LRTM3: variants seen among roughly 807,000 people sequenced by gnomAD.
LRTM3 encodes leucine rich repeat transmembrane protein 3.
chr13:102,730,720 A>G, the LRTM3 span: 2 of 1,551,728 alleles, frequency 1.3e-6, no homozygotes, highest in Non-Finnish European at 1.7e-6. Context: ...CACTTTGTCC[A>G]CCAGCATTTA....
the LRTM3 span, among the ~76,000 whole-genome samples, chr13:102,755,748 G>A: frequency 1.5e-3 from 219 of 150,798 alleles, no homozygotes; most frequent in African/African-American, 5.1e-3. Context: ...TACACGTTCT[G>A]CATATGTATC....
At chr13:102,744,750 G>A in the LRTM3 span, 8 of 1,550,494 alleles carry the variant, frequency 5.2e-6, no homozygotes, top group Non-Finnish European at 7.0e-6. Flanking sequence ...TCCCTTTCAT[G>A]TTGTACATTC....
At chr13:102,743,825 A>G in the LRTM3 span, 1 of 1,550,320 alleles carries the variant, frequency 6.5e-7, no homozygotes, top group South Asian at 1.2e-5. Context: ...GGCATTGAAT[A>G]TAATTTCTTT....
chr13:102,746,207 T>C, the LRTM3 span: 9 of 1,550,744 alleles, frequency 5.8e-6, no homozygotes, highest in Non-Finnish European at 7.8e-6. Context: ...CAGCACTGGG[T>C]CTGATTCAAG....
the LRTM3 span, chr13:102,746,997 T>C: frequency 1.3e-6 from 2 of 1,551,254 alleles, no homozygotes; most frequent in African/African-American, 1.4e-5. Flanking sequence ...TGCATTTCTT[T>C]CTCTGTTTTA....
the LRTM3 span, chr13:102,735,006 A>G: frequency 6.4e-7 from 1 of 1,551,068 alleles, no homozygotes; most frequent in Non-Finnish European, 8.7e-7. Flanking sequence ...AGGGGAAAAG[A>G]GGGTCTTGTT....
chr13:102,736,989 T>C, the LRTM3 span: 18 of 1,551,134 alleles, frequency 1.2e-5, no homozygotes, highest in South Asian at 1.8e-4. Context: ...AGAGAAGGTA[T>C]TGTCAGAAAC....
chr13:102,738,071 T>C, the LRTM3 span: 10 of 1,550,396 alleles, frequency 6.4e-6, no homozygotes, highest in Non-Finnish European at 8.7e-6. Context: ...CTCCTCACCT[T>C]CTCTGTCCTC....
chr13:102,753,734 T>A, the LRTM3 span, among the ~76,000 whole-genome samples: 4 of 152,204 alleles, frequency 2.6e-5, no homozygotes, highest in Non-Finnish European at 5.9e-5. Context: ...CCATTACTTT[T>A]AGTATATAGT....
At chr13:102,752,425 AGTCT>A in the LRTM3 span, among the ~76,000 whole-genome samples, 1 of 152,112 alleles carries the variant, frequency 6.6e-6, no homozygotes, top group African/African-American at 2.4e-5. Context: ...TACACTTCCC[AGTCT>A]GTCAGAATGG....
the LRTM3 span, chr13:102,730,451 G>T: frequency 3.9e-6 from 6 of 1,551,048 alleles, no homozygotes; most frequent in South Asian, 7.1e-5. Flanking sequence ...ATTTCTCTGG[G>T]TCCTTAAATC....
the LRTM3 span, chr13:102,741,601 C>G: frequency 5.2e-6 from 8 of 1,550,302 alleles, no homozygotes; most frequent in Non-Finnish European, 7.0e-6. Context: ...CCATAGACCC[C>G]AGGTTTGTCA....
At chr13:102,734,008 A>C in the LRTM3 span, 2 of 1,551,466 alleles carry the variant, frequency 1.3e-6, no homozygotes, top group East Asian at 4.9e-5. Flanking sequence ...CTGAATCCAG[A>C]TAAAGAGGAG....
chr13:102,741,934 T>C, the LRTM3 span: 1 of 1,550,528 alleles, frequency 6.4e-7, no homozygotes, highest in Non-Finnish European at 8.7e-7. Flanking sequence ...TGCTTTGGTG[T>C]TTTTGTTCCT....
chr13:102,747,918 T>C, the LRTM3 span: 15 of 1,551,094 alleles, frequency 9.7e-6, no homozygotes, highest in South Asian at 3.6e-5. Flanking sequence ...AGATGTATGC[T>C]GAACCTGAAG....
the LRTM3 span, chr13:102,735,159 A>C: frequency 1.3e-6 from 2 of 1,551,280 alleles, no homozygotes; most frequent in African/African-American, 1.4e-5. Context: ...CTAGTTTTCC[A>C]CTGAAGATCA....
chr13:102,743,777 G>A, the LRTM3 span: 1 of 1,550,308 alleles, frequency 6.5e-7, no homozygotes, highest in Non-Finnish European at 8.7e-7. Flanking sequence ...ATGTATCTGT[G>A]AAATTGACGA....
At chr13:102,755,931 G>GTGTGTGTGTGTGTGTA in the LRTM3 span, among the ~76,000 whole-genome samples, 1 of 115,502 alleles carries the variant, frequency 8.7e-6, no homozygotes, top group African/African-American at 3.6e-5. Flanking sequence ...GTGTGTGTGT[G>GTGTGTGTGTGTGTGTA]TATATATATA....
the LRTM3 span, chr13:102,732,912 A>C: frequency 6.4e-7 from 1 of 1,551,426 alleles, no homozygotes; most frequent in South Asian, 1.2e-5. Context: ...CCTGATTGAA[A>C]TTGAAAAGTC....
Sources: allele counts gnomAD v4.1 joint callset (sites outside exome capture counted in the v4.1 genomes callset), GRCh38; gene constraint gnomAD v4.1.1; transcripts MANE v1.5; gene names NCBI Gene and HGNC (gene_info 2026-07-23, HGNC 2026-07-21).